Variants in CACNA2D1 observed in about 807,000 individuals in gnomAD.
CACNA2D1 encodes the protein voltage-dependent calcium channel subunit alpha-2/delta-1.
In CACNA2D1, 53 loss-of-function variants were observed where a neutral mutation model predicts 171.5. The ratio of observed to expected loss-of-function variants is 0.31; its 90% confidence interval spans 0.25 to 0.39. The LOEUF (loss-of-function observed/expected upper bound fraction) is 0.39. Among genes scored for constraint, CACNA2D1 ranks in the 10% least tolerant of loss-of-function variants. The pLI is 1.00. For missense variants in CACNA2D1, 903 were observed against 1,299.8 expected (o/e 0.69, Z 4.69); for synonymous variants, 442 against 443.1 (o/e 1.00, Z 0.03).
intron 3 of CACNA2D1, among the ~76,000 whole-genome samples, chr7:82,228,267 A>C (rs2129271121): frequency 6.6e-6 from 1 of 152,290 alleles, no homozygotes; most frequent in South Asian, 2.1e-4. Flanking sequence ...GCTGCCAAAA[A>C]GTAAATTTTG....
At chr7:82,333,703 T>C (rs1817654976) in intron 3 of CACNA2D1, among the ~76,000 whole-genome samples, 1 of 151,766 alleles carries the variant, frequency 6.6e-6, no homozygotes, top group African/African-American at 2.4e-5. Flanking sequence ...CTACTAGATA[T>C]TGAGCTGGAC....
rs534874961 is a variant in CACNA2D1 at position 81,970,856 on chromosome 7, A to G, written c.2142-119T>C. 9.4e-4 allele frequency: 685 copies of G among 725,488 alleles called. 7 individuals carry two copies. The highest frequency in any genetic ancestry group is 2.3e-3 in the South Asian group (159 of 69,428). 44.9% of individuals were successfully genotyped at this position (725,488 alleles called of 1,614,324 possible). A position where few individuals can be genotyped will look rare whatever the true frequency, so the allele number is the denominator to read the frequency against. Reference sequence around the variant, plus strand: ...AAGTAAAGGAAATATATCAATAGATACACAACTATGTTTTAATAATTTAAA... The same window carrying G: ...AAGTAAAGGAAATATATCAATAGATGCACAACTATGTTTTAATAATTTAAA... On this transcript the variant is annotated intron_variant, in intron 26 of 38. Transcript: ENST00000356860.
chr7:82,129,050 C>T (rs1790662078), intron 5 of CACNA2D1, among the ~76,000 whole-genome samples: 2 of 152,056 alleles, frequency 1.3e-5, no homozygotes, highest in African/African-American at 4.8e-5. Context: ...ATGAATCTGG[C>T]CTTACTATAT....
Position 82,327,699 on chromosome 7 carries a change from T to G in CACNA2D1, c.294+7436A>C, listed in dbSNP as rs114905914. Among the ~76,000 whole-genome samples, 615 of 152,324 alleles carry G rather than the reference T, an allele frequency of 4.0e-3. 7 individuals carry two copies. Among genetic ancestry groups the G allele is most frequent in the African/African-American group, 0.014 (589 of 41,578 alleles). On this transcript the variant is annotated intron_variant, in intron 3 of 38. Coordinates refer to ENST00000356860, the MANE Select transcript of CACNA2D1 (RefSeq NM_000722.4). ...TTTCCTCCTGATTTCATCTTGACAC[T>G]TCTTAGCAGCTCAAACACGGTGATT...
chr7:82,212,176 A>G (rs373258711), intron 3 of CACNA2D1, among the ~76,000 whole-genome samples: 3 of 152,184 alleles, frequency 2.0e-5, no homozygotes, highest in South Asian at 4.1e-4. Context: ...TCAACACTCT[A>G]TCATCTTGAT....
intron 11 of CACNA2D1, among the ~76,000 whole-genome samples, chr7:82,036,414 T>C (rs548495937): frequency 6.6e-6 from 1 of 152,314 alleles, no homozygotes; most frequent in South Asian, 2.1e-4. Flanking sequence ...CACACTTCTG[T>C]GATTTGTCTA....
chr7:82,182,519 G>A (rs1160014175), intron 3 of CACNA2D1, among the ~76,000 whole-genome samples: 1 of 150,720 alleles, frequency 6.6e-6, no homozygotes, highest in African/African-American at 2.4e-5. Context: ...GTATAATAGG[G>A]TAAGAAGTAC....
intron 5 of CACNA2D1, among the ~76,000 whole-genome samples, chr7:82,136,068 A>G (rs1584876194): frequency 6.6e-6 from 1 of 152,208 alleles, no homozygotes; most frequent in African/African-American, 2.4e-5. Flanking sequence ...ATTAGAAGTA[A>G]CTGATTAGCA....
At position 82,136,671 on chromosome 7, in the gene CACNA2D1, A is replaced by G. The variant is rs1453763145; in HGVS notation, c.360T>C (p.Asn120=). ...CCTTTGCATTGTAGTAGACAACTTC[A>G]TTGCTCTACAAAAAAAAAAGAACGC... ...AHQWREDFAS[N]EVVYYNAKDD... The change falls in exon 5 of 39, where the codon AAT becomes AAC. Residue 120 remains asparagine (N), a synonymous_variant. Coordinates refer to ENST00000356860, the MANE Select transcript of CACNA2D1 (RefSeq NM_000722.4). 7 of 1,580,570 alleles carry G rather than the reference A, an allele frequency of 4.4e-6. No individual in the cohort carries two copies. Among genetic ancestry groups the G allele is most frequent in the Admixed American group, 1.7e-5 (1 of 57,820 alleles).
chr7:81,958,038 G>A (rs1038045159), intron 38 of CACNA2D1, among the ~76,000 whole-genome samples: 6 of 151,742 alleles, frequency 4.0e-5, no homozygotes, highest in Non-Finnish European at 8.8e-5. Flanking sequence ...CATGGGCAAC[G>A]TGCTGAAGTT....
chr7:81,991,118 TTGTG>T, intron 21 of CACNA2D1, 63 bp downstream of exon 21: 1 of 817,278 alleles, frequency 1.2e-6, no homozygotes, highest in Non-Finnish European at 2.2e-6. Flanking sequence ...GAAAATTCAC[TTGTG>T]AAAATGCAGA....
chr7:81,998,215 T>C (rs1242248790), intron 18 of CACNA2D1, among the ~76,000 whole-genome samples: 2 of 152,012 alleles, frequency 1.3e-5, no homozygotes, highest in Admixed American at 1.3e-4. Context: ...TCATAATAGG[T>C]ATATGTAATT....
At chr7:81,983,168 T>G in intron 23 of CACNA2D1, 146 bp downstream of exon 23, 3 of 693,258 alleles carry the variant, frequency 4.3e-6, no homozygotes, top group Admixed American at 2.6e-5. Context: ...TTTCTACCAT[T>G]TTTTTGCTGC....
chr7:82,130,958 G>C (rs1790907304), intron 5 of CACNA2D1, among the ~76,000 whole-genome samples: 1 of 151,528 alleles, frequency 6.6e-6, no homozygotes, highest in African/African-American at 2.4e-5. Flanking sequence ...CATCATGCCT[G>C]GCTAAATTTT....
chr7:81,999,583 T>G (rs1210907024), intron 18 of CACNA2D1, among the ~76,000 whole-genome samples: 1 of 152,196 alleles, frequency 6.6e-6, no homozygotes, highest in Non-Finnish European at 1.5e-5. Flanking sequence ...TGGTTGCTAG[T>G]TTGCCATTTA....
intron 5 of CACNA2D1, among the ~76,000 whole-genome samples, chr7:82,127,324 TTTCCTCTCTTCATTTTGC>T (rs1365096344): frequency 1.3e-5 from 2 of 152,218 alleles, no homozygotes; most frequent in African/African-American, 4.8e-5. Context: ...AGCTTTATTA[TTTCCTCTCTTCATTTTGC>T]TTCCACTAAC....
intron 1 of CACNA2D1, among the ~76,000 whole-genome samples, chr7:82,353,756 C>T (rs978642409): frequency 2.0e-5 from 3 of 152,010 alleles, no homozygotes; most frequent in African/African-American, 7.2e-5. Flanking sequence ...GAGAATGATA[C>T]ATGGAGAATG....
chr7:82,271,932 C>A (rs1483548763), intron 3 of CACNA2D1, among the ~76,000 whole-genome samples: 2 of 152,052 alleles, frequency 1.3e-5, no homozygotes, highest in African/African-American at 4.8e-5. Flanking sequence ...TTTCTTCTTC[C>A]TGAATCTATT....
Position 82,054,002 on chromosome 7 carries a change from A to G in CACNA2D1, c.879+6426T>C, listed in dbSNP as rs1203179477. ...CAGAAACCACAAGAAGATATCCTGC[A>G]GTTGTGTTTCTTAAGAAATTAGTTA... On this transcript the variant is annotated intron_variant, in intron 10 of 38. Transcript: ENST00000356860. Among the ~76,000 whole-genome samples the G allele has an allele frequency of 2.0e-5, 3 of 152,226 alleles. No homozygotes were observed. The South Asian group carries it at 6.2e-4, about 32-fold the overall frequency.
Sources: gnomAD v4.1 joint callset for allele counts (sites outside exome capture counted in the v4.1 genomes callset) on GRCh38, gnomAD v4.1.1 for gene constraint, MANE v1.5 for transcripts, NCBI Gene and HGNC (gene_info 2026-07-23, HGNC 2026-07-21) for gene names.